LRFN5: variants seen among roughly 807,000 people sequenced by gnomAD.
The protein encoded by LRFN5 is leucine rich repeat and fibronectin type III domain containing 5.
LRFN5 carries 24 observed loss-of-function variants against 45.6 expected under a neutral mutation model. The ratio of observed to expected loss-of-function variants is 0.53; its 90% CI spans 0.38 to 0.74. The LOEUF is 0.74. Ranked by LOEUF, LRFN5 falls within the 30% of genes least tolerant of loss-of-function variation. The probability of loss-of-function intolerance (pLI) is 0.00; values close to 1 mark genes in which losing one functional copy is unlikely to be tolerated. For missense variants in LRFN5, 776 were observed against 861.5 expected, an observed-to-expected ratio of 0.90 and a Z score of 1.24; for synonymous variants, 340 against 313.8, an observed-to-expected ratio of 1.08 and a Z score of -0.88.
At chr14:41,758,553 A>T (rs1885512122) in intron 1 of LRFN5, among the ~76,000 whole-genome samples, 1 of 152,206 alleles carries the variant, frequency 6.6e-6, no homozygotes, top group African/African-American at 2.4e-5. Flanking sequence ...AGATTCACAG[A>T]TTTAACAAGT....
intron 2 of LRFN5, among the ~76,000 whole-genome samples, chr14:41,795,257 C>A: frequency 6.6e-6 from 1 of 151,894 alleles, no homozygotes; most frequent in Non-Finnish European, 1.5e-5. Context: ...GAATGGCGAT[C>A]ATTAAAAAGT....
chr14:41,893,176 A>T, intron 4 of LRFN5: 1 of 982,440 alleles, frequency 1.0e-6, no homozygotes, highest in Non-Finnish European at 1.2e-6. Context: ...ACTAGAAATC[A>T]TGCTGCTTAG....
chr14:41,704,406 TTTTCTCTCTCTC>T (rs1566628745), intron 1 of LRFN5, among the ~76,000 whole-genome samples: 8 of 98,088 alleles, frequency 8.2e-5, no homozygotes, highest in Non-Finnish European at 1.1e-4. Context: ...ATTGTTATAC[TTTTCTCTCTCTC>T]TCTCTCTCTC....
chr14:41,654,183 A>C (rs1182209514), intron 1 of LRFN5, among the ~76,000 whole-genome samples: 1 of 152,096 alleles, frequency 6.6e-6, no homozygotes, highest in African/African-American at 2.4e-5. Flanking sequence ...TGTACCCTAG[A>C]ACTTAAAGTA....
chr14:41,628,950 C>G (rs906733747), intron 1 of LRFN5, among the ~76,000 whole-genome samples: 1 of 152,144 alleles, frequency 6.6e-6, no homozygotes, highest in Non-Finnish European at 1.5e-5. Context: ...ATCTACCTTT[C>G]TGACTCTCAC....
intron 2 of LRFN5, among the ~76,000 whole-genome samples, chr14:41,868,953 G>A (rs1023331552): frequency 2.6e-5 from 4 of 152,032 alleles, no homozygotes; most frequent in East Asian, 1.9e-4. Context: ...TAGTGCACAC[G>A]TTTACGCTAA....
chr14:41,756,982 A>T (rs1885418898), intron 1 of LRFN5, among the ~76,000 whole-genome samples: 1 of 151,574 alleles, frequency 6.6e-6, no homozygotes, highest in Non-Finnish European at 1.5e-5. Flanking sequence ...AACTGTCAGG[A>T]CCCCCAGCTG....
intron 1 of LRFN5, among the ~76,000 whole-genome samples, chr14:41,668,478 A>G (rs1273018398): frequency 6.6e-6 from 1 of 151,926 alleles, no homozygotes; most frequent in Non-Finnish European, 1.5e-5. Context: ...CTCATGTTGT[A>G]TCACCCCTCC....
chr14:41,734,137 C>G (rs1380337597), intron 1 of LRFN5, among the ~76,000 whole-genome samples: 1 of 142,186 alleles, frequency 7.0e-6, no homozygotes, highest in Admixed American at 7.1e-5. Flanking sequence ...GCAATTCTCC[C>G]GCCTCAGCCT....
At position 41,886,998 on chromosome 14, in the gene LRFN5, C is replaced by G. The variant is rs770463900; in HGVS notation, c.373C>G (p.Leu125Val). The change falls in exon 3 of 6, where the codon CTT (leucine) becomes GTT (valine). Residue 125 changes from leucine (L) to valine (V), a missense_variant. Around this residue, in one of 2 missense-constraint regions of LRFN5, gnomAD observed 311 missense variants for 405.1 expected, o/e 0.77. Coordinates refer to ENST00000298119, the MANE Select transcript of LRFN5 (RefSeq NM_152447.5). ...TGATATGTTCAGTGGTCTTTCCAAT[C>G]TTCATCATTTGATACTGAACAACAA... ...TNDMFSGLSNLHHLILNNNQL... is the reference protein window; with the variant it reads ...TNDMFSGLSNVHHLILNNNQL... 1.2e-6 allele frequency: 2 copies of G among 1,614,120 alleles called. No homozygotes were observed. Among genetic ancestry groups the G allele is most frequent in the Non-Finnish European group, 1.7e-6 (2 of 1,180,018 alleles).
intron 1 of LRFN5, among the ~76,000 whole-genome samples, chr14:41,704,444 C>CTGTGTGTGTGTGTGTG (rs1406046125): frequency 1.1e-4 from 14 of 127,862 alleles, no homozygotes; most frequent in African/African-American, 4.6e-4. Context: ...CTCTCTCTCT[C>CTGTGTGTGTGTGTGTG]TCTCTGTGTG....
At chr14:41,766,054 T>A (rs1885872650) in intron 1 of LRFN5, among the ~76,000 whole-genome samples, 1 of 152,162 alleles carries the variant, frequency 6.6e-6, no homozygotes, top group African/African-American at 2.4e-5. Context: ...ATTTCATTAT[T>A]TCTCACTTTC....
intron 1 of LRFN5, among the ~76,000 whole-genome samples, chr14:41,704,434 C>CTG (rs1255294858): frequency 7.0e-5 from 3 of 43,058 alleles, no homozygotes; most frequent in East Asian, 7.6e-4. Flanking sequence ...CTCTCTCTCT[C>CTG]TCTCTCTCTC....
chr14:41,692,082 T>G (rs1431932656), intron 1 of LRFN5, among the ~76,000 whole-genome samples: 1 of 152,090 alleles, frequency 6.6e-6, no homozygotes, highest in Non-Finnish European at 1.5e-5. Context: ...TCAGTTGTAT[T>G]GGGCAAACAT....
chr14:41,625,549 T>G (rs1215035103), intron 1 of LRFN5, among the ~76,000 whole-genome samples: 1 of 152,156 alleles, frequency 6.6e-6, no homozygotes, highest in African/African-American at 2.4e-5. Flanking sequence ...ATACAAACAT[T>G]ATTAGAAGTA....
At chr14:41,674,014 G>C (rs1172449258) in intron 1 of LRFN5, among the ~76,000 whole-genome samples, 2 of 146,526 alleles carry the variant, frequency 1.4e-5, no homozygotes, top group South Asian at 2.2e-4. Context: ...TCCCAGACGC[G>C]GTGGCTGCCG....
intron 5 of LRFN5, among the ~76,000 whole-genome samples, chr14:41,903,130 C>G (rs1157522636): frequency 1.3e-5 from 2 of 151,436 alleles, no homozygotes; most frequent in Admixed American, 1.3e-4. Flanking sequence ...ATCAATTTCA[C>G]TATTCAGATT....
intron 2 of LRFN5, among the ~76,000 whole-genome samples, chr14:41,841,612 C>T (rs1408311677): frequency 4.6e-5 from 7 of 151,816 alleles, no homozygotes; most frequent in African/African-American, 1.7e-4. Context: ...GACGAATCCT[C>T]TTCTTGATGG....
At chr14:41,878,620 A>G (rs926052872) in intron 2 of LRFN5, among the ~76,000 whole-genome samples, 1 of 152,148 alleles carries the variant, frequency 6.6e-6, no homozygotes, top group African/African-American at 2.4e-5. Flanking sequence ...ATACGTAAAT[A>G]TTATCTAAAT....
Sources: gnomAD v4.1 joint callset for allele counts (sites outside exome capture counted in the v4.1 genomes callset) on GRCh38, gnomAD v4.1.1 for gene constraint, gnomAD v4.1.1 regional missense constraint, MANE v1.5 for transcripts, NCBI Gene and HGNC (gene_info 2026-07-23, HGNC 2026-07-21) for gene names.